The following SNAPC5 variants were observed in gnomAD, a reference collection of about 807,000 sequenced individuals.
SNAPC5 encodes the protein small nuclear RNA activating complex polypeptide 5, also known as snRNA-activating protein complex subunit 5.
Under a neutral mutation model 9.1 loss-of-function variants are expected in SNAPC5, and 12 were observed. That is an observed-to-expected ratio of 1.32 (90% CI 0.85 to 2.15). The LOEUF is 2.15. SNAPC5 is among the 30% of genes most tolerant of loss of function. The probability of loss-of-function intolerance (pLI) is 0.00; values close to 1 mark genes in which losing one functional copy is unlikely to be tolerated. For synonymous variants in SNAPC5, 52 were observed against 47.3 expected (o/e 1.10, Z -0.41); for missense variants, 132 against 114.4 (o/e 1.15, Z -0.70).
Position 66,494,399 on chromosome 15 carries a change from A to T in SNAPC5, c.*37T>A. The T allele has an allele frequency of 1.4e-6, 2 of 1,407,538 alleles. No homozygotes were observed. Among genetic ancestry groups the T allele is most frequent in the African/African-American group, 1.4e-5 (1 of 71,176 alleles). The allele number at this position is 1,407,538 out of a possible 1,614,324, so 87.2% of individuals were successfully genotyped here. ...GAAGTAGCCTGAGCCTTAGAAATGC[A>T]ATTTGTATAACTGACCAGCCTGGCT... On this transcript the variant is annotated 3_prime_UTR_variant, in exon 3 of 3. Coordinates refer to ENST00000316634, the MANE Select transcript of SNAPC5 (RefSeq NM_001329615.2).
chr15:66,491,317 TTAA>T, downstream of SNAPC5: 1 of 233,934 alleles, frequency 4.3e-6, no homozygotes, highest in East Asian at 6.1e-5. Flanking sequence ...TAAGTTTTGA[TTAA>T]TGTTTCTTAA....
At chr15:66,491,923 A>G (rs1024212764), downstream of SNAPC5, 1 of 455,012 alleles carries the variant, frequency 2.2e-6, no homozygotes, top group South Asian at 1.6e-5. Flanking sequence ...CCATATACCA[A>G]TAGTTGAGCT....
downstream of SNAPC5, chr15:66,490,453 T>G: frequency 7.1e-7 from 1 of 1,399,786 alleles, no homozygotes; most frequent in Non-Finnish European, 1.0e-6. Context: ...GTGGGTTTTG[T>G]TTTTTTGTTT....
downstream of SNAPC5, chr15:66,490,033 A>G (rs1893193438): frequency 1.7e-6 from 1 of 572,506 alleles, no homozygotes; most frequent in East Asian, 3.0e-5. Flanking sequence ...CACCCCCTTC[A>G]TGGGGATGCG....
rs1446632300 is a variant in SNAPC5, at chr15:66,497,681, C to T, written c.51G>A (p.Arg17=). The T allele has an allele frequency of 6.2e-7, 1 of 1,613,974 alleles. No individual in the cohort carries two copies. Residue 17 remains arginine (R), a synonymous_variant, in exon 1 of 3, where the codon CGG becomes CGA. Coordinates refer to ENST00000316634, the MANE Select transcript of SNAPC5 (RefSeq NM_001329615.2). The stretch of plus-strand genomic sequence containing the variant: ...GCTGGTCGTGCAGGGCTGCCTTCAA[C>T]CGCAGCAGCGTCTCCTCCTCCTTGC... ...ELRKEEETLL[R]LKAALHDQLN...
chr15:66,494,610 A>C, intron 2 of SNAPC5, 58 bp from the exon 3 acceptor site: 1 of 1,183,400 alleles, frequency 8.5e-7, no homozygotes, highest in East Asian at 2.4e-5. Flanking sequence ...CAAAACAGCA[A>C]ATTCTTAAAA....
intron 1 of SNAPC5, among the ~76,000 whole-genome samples, chr15:66,496,661 T>TA (rs1233853298): frequency 6.6e-6 from 1 of 151,754 alleles, no homozygotes; most frequent in Non-Finnish European, 1.5e-5. Flanking sequence ...GTAGCTGGAC[T>TA]ACAGGCACGC....
At chr15:66,490,531 T>C (rs200293968), downstream of SNAPC5, 23 of 1,614,112 alleles carry the variant, frequency 1.4e-5, no homozygotes, top group East Asian at 4.2e-4. Context: ...GATCTGATGC[T>C]GAGGAAGTGG....
At chr15:66,496,505 CATA>C (rs1191922731) in intron 1 of SNAPC5, among the ~76,000 whole-genome samples, 1 of 149,872 alleles carries the variant, frequency 6.7e-6, no homozygotes, top group East Asian at 2.0e-4. Flanking sequence ...CAGGGATTAG[CATA>C]ATAACCTCCC....
downstream of SNAPC5, chr15:66,491,442 T>C (rs1026169607): frequency 7.5e-5 from 17 of 225,746 alleles, no homozygotes; most frequent in Middle Eastern, 1.4e-3. Flanking sequence ...GTGCCTAAAA[T>C]TGTATGAAAA....
downstream of SNAPC5, chr15:66,490,869 C>G: frequency 1.8e-6 from 1 of 544,184 alleles, no homozygotes; most frequent in Non-Finnish European, 3.4e-6. Flanking sequence ...TGATCAAAAC[C>G]TGTGCCAGGC....
chr15:66,491,806 T>G (rs1230268127), downstream of SNAPC5: 1 of 384,970 alleles, frequency 2.6e-6, no homozygotes, highest in Non-Finnish European at 5.1e-6. Context: ...ATCCTGTATA[T>G]TCCTTTGATC....
Position 66,495,339 on chromosome 15 carries a change from C to T in SNAPC5, c.171G>A (p.Gln57=). 1 of 1,581,756 alleles carries T rather than the reference C, an allele frequency of 6.3e-7. No individual in the cohort carries two copies. Among genetic ancestry groups the T allele is most frequent in the African/African-American group, 1.3e-5 (1 of 74,474 alleles). Residue 57 remains glutamine, a synonymous_variant, in exon 2 of 3, where the codon CAG becomes CAA. Transcript: ENST00000316634. ...EMLSSHTVPE[Q]SHDMLVHVDN... ...ACTTGATTAAGCTTACATCATGTGA[C>T]TGTTCAGGTACAGTGTGAGAAGACA...
chr15:66,495,047 C>T (rs1893379831), intron 2 of SNAPC5: 1 of 442,198 alleles, frequency 2.3e-6, no homozygotes, highest in Non-Finnish European at 4.1e-6. Flanking sequence ...CTACAAAAAT[C>T]TCCACTCTCC....
chr15:66,496,743 C>G (rs1007443270), intron 1 of SNAPC5, among the ~76,000 whole-genome samples: 47 of 152,216 alleles, frequency 3.1e-4, no homozygotes, highest in African/African-American at 1.1e-3. Context: ...GTAATCTCAG[C>G]ACTTTGGAAG....
downstream of SNAPC5, chr15:66,490,711 A>G (rs757367010): frequency 1.1e-4 from 90 of 854,976 alleles, no homozygotes; most frequent in Non-Finnish European, 1.8e-4. Context: ...TCAGATGTGC[A>G]TTTCACCTGT....
chr15:66,495,840 GC>G (rs1474932316), intron 1 of SNAPC5, among the ~76,000 whole-genome samples: 10 of 152,210 alleles, frequency 6.6e-5, no homozygotes, highest in Non-Finnish European at 1.5e-4. Context: ...GGAAATCTGG[GC>G]TTTGGAGGTG....
At chr15:66,492,098 C>T (rs1243721493), downstream of SNAPC5, 2 of 455,228 alleles carry the variant, frequency 4.4e-6, no homozygotes, top group Admixed American at 4.7e-5. Flanking sequence ...CTTAACCACA[C>T]CTTCCTGGAA....
At chr15:66,490,575 T>G, downstream of SNAPC5, 2 of 1,614,222 alleles carry the variant, frequency 1.2e-6, no homozygotes, top group Non-Finnish European at 1.7e-6. Context: ...ACCATCGGCC[T>G]TAACCAGCCC....
Sources: allele counts gnomAD v4.1 joint callset (sites outside exome capture counted in the v4.1 genomes callset), GRCh38; gene constraint gnomAD v4.1.1; transcripts MANE v1.5; gene names NCBI Gene and HGNC (gene_info 2026-07-23, HGNC 2026-07-21).